ALK: variants seen among roughly 807,000 people sequenced by gnomAD.
The protein encoded by ALK is ALK receptor tyrosine kinase.
A neutral mutation model predicts 163.1 loss-of-function variants in ALK; 74 were observed. The ratio of observed to expected loss-of-function variants is 0.45; its 90% CI spans 0.38 to 0.55. ALK has a LOEUF of 0.55. ALK is among the 20% of genes least tolerant of loss of function. The pLI, the probability that ALK is intolerant of heterozygous loss-of-function variation, is 0.00. For missense variants in ALK, 2,063 were observed against 2,105.3 expected, an observed-to-expected ratio of 0.98 and a Z score of 0.39; for synonymous variants, 960 against 843.2, an observed-to-expected ratio of 1.14 and a Z score of -2.40.
In ALK at chr2:29,197,530, A is replaced by G. The variant is rs770438785; in HGVS notation, c.4073+12T>C. 3.1e-6 allele frequency: 5 copies of G among 1,613,216 alleles called. No homozygotes were observed. The highest frequency in any genetic ancestry group is 4.2e-6 in the Non-Finnish European group (5 of 1,179,946). On this transcript the variant is annotated intron_variant, in intron 27 of 28. Transcript: ENST00000389048. ...TTAGTAACTAGCAGAAGTGTTCCTAAAAGAGTCATACACAGGCCCAGGGCA... is the reference window on the plus strand; with the variant it reads ...TTAGTAACTAGCAGAAGTGTTCCTAGAAGAGTCATACACAGGCCCAGGGCA...
intron 2 of ALK, among the ~76,000 whole-genome samples, chr2:29,698,887 G>C (rs952640604): frequency 1.3e-5 from 2 of 152,194 alleles, no homozygotes; most frequent in African/African-American, 4.8e-5. Context: ...GGTTGAAACT[G>C]AATTAGGCTT....
At chr2:29,401,734 T>C (rs1558308413) in intron 4 of ALK, among the ~76,000 whole-genome samples, 2 of 152,092 alleles carry the variant, frequency 1.3e-5, no homozygotes, top group South Asian at 4.2e-4. Context: ...GGAGGTGACA[T>C]GGGTTGGGTA....
intron 11 of ALK, among the ~76,000 whole-genome samples, chr2:29,257,971 T>C (rs950192766): frequency 6.6e-6 from 1 of 152,188 alleles, no homozygotes; most frequent in Admixed American, 6.5e-5. Flanking sequence ...CCAGAGTAGC[T>C]GGGACCACAG....
chr2:29,723,785 C>T (rs1366278001), intron 1 of ALK, among the ~76,000 whole-genome samples: 1 of 152,216 alleles, frequency 6.6e-6, no homozygotes, highest in Non-Finnish European at 1.5e-5. Context: ...AAATTGTATG[C>T]TCCTATCTCT....
intron 5 of ALK, among the ~76,000 whole-genome samples, chr2:29,381,109 T>C (rs1188601674): frequency 6.6e-6 from 1 of 152,236 alleles, no homozygotes; most frequent in South Asian, 2.1e-4. Flanking sequence ...TGTCATCAGA[T>C]CAACTTGGGA....
chr2:29,620,999 G>A (rs1676019786), intron 3 of ALK, among the ~76,000 whole-genome samples: 1 of 152,158 alleles, frequency 6.6e-6, no homozygotes, highest in South Asian at 2.1e-4. Context: ...AATATGCAAA[G>A]GGTGAGTGAG....
At chr2:29,831,532 C>T (rs1665419958) in intron 1 of ALK, among the ~76,000 whole-genome samples, 1 of 152,136 alleles carries the variant, frequency 6.6e-6, no homozygotes, top group South Asian at 2.1e-4. Context: ...GCTGTGTCCC[C>T]TCCTGACCTA....
intron 12 of ALK, among the ~76,000 whole-genome samples, chr2:29,247,752 A>T (rs1003345464): frequency 2.0e-5 from 3 of 151,962 alleles, no homozygotes; most frequent in African/African-American, 7.3e-5. Context: ...TCACCTCCCC[A>T]GCAGTGGGCA....
At chr2:29,440,890 T>C (rs1236473455) in intron 4 of ALK, among the ~76,000 whole-genome samples, 3 of 152,358 alleles carry the variant, frequency 2.0e-5, no homozygotes, top group East Asian at 3.9e-4. Flanking sequence ...CAGATCCTTG[T>C]GTATGGACTC....
chr2:29,465,300 G>A (rs1052942191), intron 4 of ALK, among the ~76,000 whole-genome samples: 2 of 152,164 alleles, frequency 1.3e-5, no homozygotes, highest in African/African-American at 4.8e-5. Flanking sequence ...AAGAAAAAAA[G>A]ATTGTCAATT....
At chr2:29,595,472 C>T (rs1218716807) in intron 3 of ALK, among the ~76,000 whole-genome samples, 1 of 152,114 alleles carries the variant, frequency 6.6e-6, no homozygotes, top group Non-Finnish European at 1.5e-5. Flanking sequence ...AGGCGCCCAC[C>T]ACCACGCCCG....
At chr2:29,454,945 C>G (rs996384624) in intron 4 of ALK, among the ~76,000 whole-genome samples, 1 of 152,136 alleles carries the variant, frequency 6.6e-6, no homozygotes, top group Non-Finnish European at 1.5e-5. Flanking sequence ...ACCTGCTTCA[C>G]AGATGAGGAA....
At chr2:29,770,449 A>G (rs987446209) in intron 1 of ALK, among the ~76,000 whole-genome samples, 2 of 152,214 alleles carry the variant, frequency 1.3e-5, no homozygotes, top group African/African-American at 4.8e-5. Flanking sequence ...CTAGTGTCCT[A>G]CTCTTACTAA....
chr2:29,742,674 A>C (rs952551486), intron 1 of ALK, among the ~76,000 whole-genome samples: 2 of 152,012 alleles, frequency 1.3e-5, no homozygotes, highest in African/African-American at 4.8e-5. Context: ...CTGGCAGGAG[A>C]CTCTGGCATG....
intron 1 of ALK, among the ~76,000 whole-genome samples, chr2:29,727,184 A>C (rs1399599531): frequency 1.3e-5 from 2 of 152,124 alleles, no homozygotes; most frequent in East Asian, 3.9e-4. Context: ...AACCACCACA[A>C]AGCCTGATGC....
At chr2:29,525,861 T>C (rs1214428612) in intron 4 of ALK, among the ~76,000 whole-genome samples, 2 of 151,832 alleles carry the variant, frequency 1.3e-5, no homozygotes, top group African/African-American at 4.8e-5. Flanking sequence ...TAGTTCTCAC[T>C]TGTATTACTA....
chr2:29,311,000 C>G (rs998818348), intron 8 of ALK, among the ~76,000 whole-genome samples: 1 of 152,206 alleles, frequency 6.6e-6, no homozygotes, highest in Non-Finnish European at 1.5e-5. Context: ...GAAAATGCCT[C>G]GAGAACCACT....
At chr2:29,684,655 T>A (rs1678184614) in intron 3 of ALK, among the ~76,000 whole-genome samples, 2 of 152,290 alleles carry the variant, frequency 1.3e-5, no homozygotes, top group Admixed American at 6.5e-5. Flanking sequence ...TTTGGTTGTG[T>A]CATAGGACAA....
At chr2:29,564,905 A>G (rs1330619543) in intron 3 of ALK, among the ~76,000 whole-genome samples, 1 of 152,170 alleles carries the variant, frequency 6.6e-6, no homozygotes, top group Non-Finnish European at 1.5e-5. Flanking sequence ...TTACAGAGAG[A>G]CTGGGAACCC....
Sources: gnomAD v4.1 joint callset for allele counts (sites outside exome capture counted in the v4.1 genomes callset) on GRCh38, gnomAD v4.1.1 for gene constraint, MANE v1.5 for transcripts, NCBI Gene and HGNC (gene_info 2026-07-23, HGNC 2026-07-21) for gene names.